Variants in CSMD1 observed in about 807,000 individuals in gnomAD.
The protein encoded by CSMD1 is CUB and sushi domain-containing protein 1.
In CSMD1, 213 loss-of-function variants were observed where a neutral mutation model predicts 417.5. That is an observed-to-expected ratio of 0.51 (90% CI 0.46 to 0.57). The LOEUF (loss-of-function observed/expected upper bound fraction) is 0.57. Ranked by LOEUF, CSMD1 falls within the 20% of genes least tolerant of loss-of-function variation. The pLI, the probability that CSMD1 is intolerant of heterozygous loss-of-function variation, is 0.00. For missense variants in CSMD1, 6,923 were observed against 4,529.7 expected (o/e 1.53, Z -15.17); for synonymous variants, 2,862 against 1,736.8 (o/e 1.65, Z -16.11).
intron 5 of CSMD1, among the ~76,000 whole-genome samples, chr8:3,909,316 G>A (rs1464281314): frequency 6.6e-6 from 1 of 152,092 alleles, no homozygotes; most frequent in Non-Finnish European, 1.5e-5. Flanking sequence ...CTTCTCCTAG[G>A]GTGATTCGTG....
At chr8:3,805,872 T>G (rs58242307) in intron 5 of CSMD1, among the ~76,000 whole-genome samples, 1 of 152,102 alleles carries the variant, frequency 6.6e-6, no homozygotes, top group African/African-American at 2.4e-5. Context: ...TTTCCCAGAT[T>G]TCTATTCTGG....
intron 5 of CSMD1, among the ~76,000 whole-genome samples, chr8:3,948,580 A>G (rs1811394078): frequency 1.3e-5 from 2 of 152,144 alleles, no homozygotes; most frequent in South Asian, 2.1e-4. Flanking sequence ...GAACTTGCTC[A>G]TGATAAACGA....
intron 4 of CSMD1, among the ~76,000 whole-genome samples, chr8:4,003,334 A>G (rs1167327686): frequency 1.3e-5 from 2 of 152,166 alleles, no homozygotes; most frequent in Admixed American, 6.5e-5. Flanking sequence ...TGGAGCTTGC[A>G]GTGAGCAGAG....
chr8:4,841,638 C>T (rs964888350), intron 1 of CSMD1, among the ~76,000 whole-genome samples: 2 of 151,976 alleles, frequency 1.3e-5, no homozygotes, highest in Non-Finnish European at 2.9e-5. Context: ...AGGTCAGGCG[C>T]GGTGGCTCAC....
At chr8:4,289,061 C>G (rs1797216280) in intron 3 of CSMD1, among the ~76,000 whole-genome samples, 1 of 152,084 alleles carries the variant, frequency 6.6e-6, no homozygotes, top group Non-Finnish European at 1.5e-5. Context: ...AAACAGTGCA[C>G]ATATGGATGA....
chr8:3,368,299 T>C (rs1357314642), intron 19 of CSMD1, among the ~76,000 whole-genome samples: 4 of 152,178 alleles, frequency 2.6e-5, no homozygotes, highest in Non-Finnish European at 5.9e-5. Flanking sequence ...AGACGAAGTC[T>C]ACATAATACT....
Position 2,957,744 on chromosome 8 carries a change from T to C in CSMD1, c.9766A>G (p.Thr3256Ala). The C allele has an allele frequency of 6.3e-7, 1 of 1,599,812 alleles. No individual in the cohort carries two copies. The highest frequency in any genetic ancestry group is 1.1e-5 in the South Asian group (1 of 88,088). Residue 3256 changes from threonine to alanine, a missense_variant, in exon 63 of 70, where the codon ACC (threonine) becomes GCC (alanine). By Grantham distance (58) the Thr-to-Ala change is moderately conservative (BLOSUM62 0). Transcript: ENST00000635120. ...CTCCATGTTAAATTGGCAAGGCAGG[T>C]GCGAGTCGTGGAACCTTGAATATGG... ...GYHIQGSTTR[T>A]CLANLTWSGI...
chr8:3,112,136 C>G (rs749983183), intron 42 of CSMD1, among the ~76,000 whole-genome samples: 2 of 151,774 alleles, frequency 1.3e-5, no homozygotes, highest in Non-Finnish European at 2.9e-5. Context: ...CCCACCCCAG[C>G]TGCTACCTCC....
At chr8:4,910,035 G>A (rs1187863199) in intron 1 of CSMD1, among the ~76,000 whole-genome samples, 1 of 152,172 alleles carries the variant, frequency 6.6e-6, no homozygotes, top group Non-Finnish European at 1.5e-5. Context: ...ATAACCAATA[G>A]CATGTCAGAT....
In CSMD1 at chr8:4,091,211, GCC is replaced by G. The variant is rs766032712; in HGVS notation, c.416-59114_416-59113del. Among the ~76,000 whole-genome samples, 6 of 151,956 alleles carry G rather than the reference GCC, an allele frequency of 3.9e-5. No individual in the cohort carries two copies. In the East Asian group the frequency reaches 1.2e-3, roughly 29 times the overall value. ...TGGGATTACGGGCTTGAACCACCACGCCCTGCCAAAAGCAGTCTTAAAGGTGA... is the reference window on the plus strand; with the variant it reads ...TGGGATTACGGGCTTGAACCACCACGCTGCCAAAAGCAGTCTTAAAGGTGA... On this transcript the variant is annotated intron_variant, in intron 3 of 69. Coordinates refer to ENST00000635120, the MANE Select transcript of CSMD1 (RefSeq NM_033225.6).
intron 3 of CSMD1, among the ~76,000 whole-genome samples, chr8:4,271,155 G>A (rs1021934254): frequency 2.0e-5 from 3 of 152,070 alleles, no homozygotes; most frequent in Non-Finnish European, 4.4e-5. Context: ...TGTCACTACA[G>A]ATATCATTTG....
chr8:4,681,389 C>T (rs1045739591), intron 1 of CSMD1, among the ~76,000 whole-genome samples: 15 of 152,194 alleles, frequency 9.9e-5, no homozygotes, highest in Middle Eastern at 3.2e-3. Flanking sequence ...CTTGCTGTCT[C>T]TTCAGTATCT....
chr8:2,978,666 C>T lies in CSMD1; in HGVS notation c.8512G>A (p.Ala2838Thr). Reference protein sequence around the residue: ...KKGFYLLGSSALTCMANGLWD... With the variant: ...KKGFYLLGSSTLTCMANGLWD... ...AAGCCATTTGCCATACAGGTCAAGGCTGAAGATCCCAGCAAGTAAAATCCC... is the reference window on the plus strand; with the variant it reads ...AAGCCATTTGCCATACAGGTCAAGGTTGAAGATCCCAGCAAGTAAAATCCC... The change falls in exon 55 of 70, where the codon GCC becomes ACC. Residue 2838 changes from alanine (A) to threonine (T), a missense_variant. Ala to Thr is a moderately conservative substitution (Grantham distance 58, BLOSUM62 0). Coordinates refer to ENST00000635120, the MANE Select transcript of CSMD1 (RefSeq NM_033225.6). 6.2e-7 allele frequency: 1 copy of T among 1,608,728 alleles called. No homozygotes were observed. Among genetic ancestry groups the T allele is most frequent in the African/African-American group, 1.3e-5 (1 of 74,958 alleles).
intron 31 of CSMD1, among the ~76,000 whole-genome samples, 180 bp from the exon 32 acceptor site, chr8:3,201,905 T>C (rs1355816628): frequency 6.6e-6 from 1 of 152,242 alleles, no homozygotes; most frequent in African/African-American, 2.4e-5. Context: ...AAAACTATTT[T>C]ACTTTGCTTC....
chr8:3,973,164 G>C (rs1245908481), intron 5 of CSMD1, among the ~76,000 whole-genome samples: 1 of 152,170 alleles, frequency 6.6e-6, no homozygotes, highest in East Asian at 1.9e-4. Flanking sequence ...TGTTTTGTCT[G>C]AAAACGTGGA....
intron 1 of CSMD1, among the ~76,000 whole-genome samples, chr8:4,810,935 A>G (rs1367833539): frequency 6.6e-6 from 1 of 152,236 alleles, no homozygotes; most frequent in Non-Finnish European, 1.5e-5. Context: ...ATGAGATTAA[A>G]GAATGGCATA....
At chr8:3,692,560 G>A (rs763252535) in intron 7 of CSMD1, among the ~76,000 whole-genome samples, 19 of 151,682 alleles carry the variant, frequency 1.3e-4, no homozygotes, top group African/African-American at 1.5e-4. Context: ...TCAGCCTCCC[G>A]AGCATCTGGG....
chr8:4,346,408 A>G (rs1002088874), intron 3 of CSMD1, among the ~76,000 whole-genome samples: 6 of 152,138 alleles, frequency 3.9e-5, no homozygotes, highest in African/African-American at 1.4e-4. Context: ...GAACAGTTAC[A>G]TCAGGGAGTA....
intron 3 of CSMD1, among the ~76,000 whole-genome samples, chr8:4,378,055 C>A (rs1190681236): frequency 6.6e-6 from 1 of 152,204 alleles, no homozygotes; most frequent in African/African-American, 2.4e-5. Flanking sequence ...GTAACACCCA[C>A]TACTCATTCA....
Sources: allele counts gnomAD v4.1 joint callset (sites outside exome capture counted in the v4.1 genomes callset), GRCh38; gene constraint gnomAD v4.1.1; transcripts MANE v1.5; gene names NCBI Gene and HGNC (gene_info 2026-07-23, HGNC 2026-07-21).